EIF4A2: variants seen among roughly 807,000 people sequenced by gnomAD.
The protein encoded by EIF4A2 is eukaryotic translation initiation factor 4A2.
A neutral mutation model predicts 50.6 loss-of-function variants in EIF4A2; 9 were observed. The ratio of observed to expected loss-of-function variants is 0.18; its 90% CI spans 0.11 to 0.31. EIF4A2 has a LOEUF of 0.31. Among genes scored for constraint, EIF4A2 ranks in the 10% least tolerant of loss-of-function variants. The pLI is 1.00. For synonymous variants in EIF4A2, 215 were observed against 164.4 expected (o/e 1.31, Z -2.35); for missense variants, 182 against 501.8 (o/e 0.36, Z 6.09).
intron 10 of EIF4A2, 36 bp downstream of exon 10, chr3:186,787,918 T>A (rs200611492): frequency 6.2e-7 from 1 of 1,602,902 alleles, no homozygotes; most frequent in East Asian, 2.2e-5. Flanking sequence ...TTGAAAAAAA[T>A]TCATACGTTT....
intron 3 of EIF4A2, 48 bp downstream of exon 3, chr3:186,784,744 C>G: frequency 1.2e-6 from 2 of 1,610,760 alleles, no homozygotes; most frequent in South Asian, 1.1e-5. Context: ...TAGACATGAA[C>G]CATAAAAGGG....
At chr3:186,787,369 G>T (rs1363764309) in intron 8 of EIF4A2, 105 bp downstream of exon 8, 1 of 1,610,466 alleles carries the variant, frequency 6.2e-7, no homozygotes, top group Non-Finnish European at 8.5e-7. Context: ...AAATAAAGTT[G>T]TTTCTTAACT....
chr3:186,787,983 A>G (rs577773424), intron 10 of EIF4A2, 101 bp downstream of exon 10: 24 of 1,247,910 alleles, frequency 1.9e-5, no homozygotes, highest in Non-Finnish European at 2.6e-5. Flanking sequence ...GATTCAGTAA[A>G]GTCAGTAGTG....
chr3:186,786,666 C>T (rs1721730094), intron 7 of EIF4A2, 21 bp downstream of exon 7: 1 of 1,613,008 alleles, frequency 6.2e-7, no homozygotes, highest in Non-Finnish European at 8.5e-7. Context: ...GATTGTTAGA[C>T]ATTATTTTAC....
chr3:186,785,549 GA>G (rs933020059), intron 4 of EIF4A2: 27 of 313,520 alleles, frequency 8.6e-5, no homozygotes, highest in East Asian at 4.4e-4. Context: ...CCCTCTGGGG[GA>G]AAAAAATCAT....
intron 1 of EIF4A2, 42 bp downstream of exon 1, chr3:186,783,681 T>C (rs777383270): frequency 1.9e-6 from 3 of 1,613,886 alleles, no homozygotes; most frequent in African/African-American, 1.3e-5. Flanking sequence ...GTGAAGGTCA[T>C]AGGGCGCCAG....
In EIF4A2 at chr3:186,784,621, C is replaced by T. The variant is rs201474676; in HGVS notation, c.133C>T (p.Leu45Phe). 1.2e-6 allele frequency: 2 copies of T among 1,614,092 alleles called. No homozygotes were observed. The highest frequency in any genetic ancestry group is 1.3e-5 in the African/African-American group (1 of 74,936). Residue 45 changes from leucine to phenylalanine, a missense_variant, in exon 3 of 11, where the codon CTT becomes TTT. Leu to Phe is a conservative substitution (Grantham distance 22). Coordinates refer to ENST00000323963, the MANE Select transcript of EIF4A2 (RefSeq NM_001967.4). ...FDDMNLKESL[L>F]RGIYAYGFEK... is the part of the protein sequence containing the mutation. ...TGATATGAATTTAAAGGAGTCTCTC[C>T]TTCGTGGCATCTATGCTTACGGTTT... is the stretch of plus-strand genomic sequence containing the variant.
At position 186,783,603 on chromosome 3, in the gene EIF4A2, T is replaced by A; in HGVS notation, c.-8T>A. 6.2e-7 allele frequency: 1 copy of A among 1,614,112 alleles called. No homozygotes were observed. The highest frequency in any genetic ancestry group is 1.3e-5 in the African/African-American group (1 of 75,020). ...TTTTCAGTCGGGCGCTGAGTGGTTT[T>A]TCGGATCATGTCTGGTGGCTCCGCG... On this transcript the variant is annotated 5_prime_UTR_variant, in exon 1 of 11. Transcript: ENST00000323963.
intron 1 of EIF4A2, chr3:186,784,114 C>A (rs1289134974): frequency 2.0e-6 from 1 of 495,228 alleles, no homozygotes; most frequent in Non-Finnish European, 3.6e-6. Flanking sequence ...GCATCGCCCT[C>A]GCCAGGCCGC....
rs1345741543 is a variant in EIF4A2 at position 186,786,921 on chromosome 3, C to A, written c.772-206C>A. 4.5e-6 allele frequency: 4 copies of A among 897,390 alleles called. No individual in the cohort carries two copies. In the African/African-American group the frequency reaches 5.3e-5, roughly 12 times the overall value. 55.6% of individuals were successfully genotyped at this position (897,390 alleles called of 1,614,324 possible). On this transcript the variant is annotated intron_variant, in intron 7 of 10. Transcript: ENST00000323963. ...TTTTGAGACTGGGTTATGAGACTGG[C>A]TAAGACTGGCCAATTTTGGTATTTT...
At chr3:186,786,795 G>C (rs1000742171) in intron 7 of EIF4A2, 150 bp downstream of exon 7, 6 of 1,099,810 alleles carry the variant, frequency 5.5e-6, no homozygotes, top group Non-Finnish European at 8.4e-6. Flanking sequence ...GTAAAGACTG[G>C]GGTGGACCTC....
rs1451781674 is a variant in EIF4A2 at position 186,788,595 on chromosome 3, T to C, written c.1080-530T>C. The C allele has an allele frequency of 2.7e-5, 10 of 371,950 alleles. 1 individual carries two copies. The allele number at this position is 371,950 out of a possible 1,614,324, so 23.0% of individuals were successfully genotyped here. ...GCAGTTAAACACGTTTAGAGTAATT[T>C]GAGTTACAACGTGTGAAACTGAGCA... On this transcript the variant is annotated intron_variant, in intron 10 of 10. Coordinates refer to ENST00000323963, the MANE Select transcript of EIF4A2 (RefSeq NM_001967.4).
chr3:186,787,369 GTTTC>G, intron 8 of EIF4A2, 105 bp downstream of exon 8: 1 of 1,610,466 alleles, frequency 6.2e-7, no homozygotes. Flanking sequence ...AAATAAAGTT[GTTTC>G]TTAACTATAC....
At chr3:186,789,032 T>C in intron 10 of EIF4A2, 93 bp from the exon 11 acceptor site, 1 of 1,488,164 alleles carries the variant, frequency 6.7e-7, no homozygotes, top group Admixed American at 2.2e-5. Context: ...CCTTGATAAG[T>C]AAACAGCAGC....
chr3:186,789,194 G>A lies in EIF4A2; in HGVS notation c.1149G>A (p.Arg383=), dbSNP rs955947138. The A allele has an allele frequency of 3.7e-6, 6 of 1,613,704 alleles. No homozygotes were observed. The highest frequency in any genetic ancestry group is 4.2e-6 in the Non-Finnish European group (5 of 1,179,810). ...AINFVTEEDK[R]ILRDIETFYN... ...ACTTTGTTACTGAAGAAGACAAGAG[G>A]ATTCTTCGTGACATTGAGACTTTCT... Residue 383 remains arginine, a synonymous_variant, in exon 11 of 11, where the codon AGG becomes AGA. Transcript: ENST00000323963.
At chr3:186,788,250 T>A in intron 10 of EIF4A2, 3 of 1,275,284 alleles carry the variant, frequency 2.4e-6, no homozygotes, top group Non-Finnish European at 3.1e-6. Flanking sequence ...GCTTTATCCC[T>A]AAATAAATTG....
rs1435726207 is a variant in EIF4A2, at chr3:186,789,683, A to G, written c.*414A>G. On this transcript the variant is annotated 3_prime_UTR_variant, in exon 11 of 11. Transcript: ENST00000323963. ...GTGTTTGTCATTAGCCTGAGTAGAA[A>G]GGCCTTTAAAATTTTTTTAGAAAGC... 5.4e-6 allele frequency: 2 copies of G among 373,108 alleles called. No individual in the cohort carries two copies. Among genetic ancestry groups the G allele is most frequent in the Non-Finnish European group, 9.7e-6 (2 of 206,464 alleles). 23.1% of individuals were successfully genotyped at this position (373,108 alleles called of 1,614,324 possible). A position where few individuals can be genotyped will look rare whatever the true frequency, so the allele number is the denominator to read the frequency against.
chr3:186,784,003 G>A (rs1381445810), intron 1 of EIF4A2: 5 of 419,452 alleles, frequency 1.2e-5, no homozygotes, highest in African/African-American at 4.0e-5. Flanking sequence ...ACGAGTTGGG[G>A]GAGGGTCCTA....
chr3:186,785,042 A>G lies in EIF4A2; in HGVS notation c.289A>G (p.Ile97Val), dbSNP rs1368492875. ...TATTTCCATCCTGCAACAGTTGGAGATTGAGTTCAAGGAGACCCAAGCACT... is the reference window on the plus strand; with the variant it reads ...TATTTCCATCCTGCAACAGTTGGAGGTTGAGTTCAAGGAGACCCAAGCACT... ...FAISILQQLE[I>V]EFKETQALVL... Residue 97 changes from isoleucine (I) to valine (V), a missense_variant, in exon 4 of 11, where the codon ATT (isoleucine) becomes GTT (valine). Coordinates refer to ENST00000323963, the MANE Select transcript of EIF4A2 (RefSeq NM_001967.4). 9.3e-6 allele frequency: 15 copies of G among 1,614,076 alleles called. No individual in the cohort carries two copies. Among genetic ancestry groups the G allele is most frequent in the Non-Finnish European group, 1.3e-5 (15 of 1,180,042 alleles).
Sources: gnomAD v4.1 joint callset for allele counts on GRCh38, gnomAD v4.1.1 for gene constraint, MANE v1.5 for transcripts, NCBI Gene and HGNC (gene_info 2026-07-23, HGNC 2026-07-21) for gene names.